The following EPHA3 variants were observed in gnomAD, a reference collection of about 807,000 sequenced individuals.
The protein encoded by EPHA3 is EPH receptor A3, also known as ephrin type-A receptor 3.
In EPHA3, 42 loss-of-function variants were observed where a neutral mutation model predicts 107.1. The observed-to-expected ratio is 0.39, with a 90% CI of 0.31 to 0.51. The LOEUF is 0.51. EPHA3 is among the 20% of genes least tolerant of loss of function. EPHA3 has a pLI of 0.78. For synonymous variants in EPHA3, 461 were observed against 424.8 expected (o/e 1.09, Z -1.05); for missense variants, 1,183 against 1,211.2 (o/e 0.98, Z 0.35).
Position 89,479,461 on chromosome 3 carries a change from G to A in EPHA3, c.2911G>A (p.Ala971Thr), listed in dbSNP as rs756422951. The A allele has an allele frequency of 1.2e-6, 2 of 1,614,172 alleles. No individual in the cohort carries two copies. Among genetic ancestry groups the A allele is most frequent in the Non-Finnish European group, 1.7e-6 (2 of 1,180,020 alleles). ...GAAGAAGATCATCAGTAGCATTAAA[G>A]CTCTAGAAACGCAATCAAAGAATGG... Reference protein sequence around the residue: ...PQKKIISSIKALETQSKNGPV... With the variant: ...PQKKIISSIKTLETQSKNGPV... The change falls in exon 17 of 17, where the codon GCT (alanine) becomes ACT (threonine). Residue 971 changes from alanine to threonine, a missense_variant. By Grantham distance (58) the Ala-to-Thr change is moderately conservative. Coordinates refer to ENST00000336596, the MANE Select transcript of EPHA3 (RefSeq NM_005233.6).
rs116593540 is a variant in EPHA3 at position 89,436,304 on chromosome 3, T to C, written c.2346+4945T>C. Among the ~76,000 whole-genome samples the C allele has an allele frequency of 9.7e-3, 1,476 of 152,306 alleles. 27 individuals carry two copies. The highest frequency in any genetic ancestry group is 0.034 in the African/African-American group (1,413 of 41,562). On this transcript the variant is annotated intron_variant, in intron 13 of 16. Transcript: ENST00000336596. Reference sequence around the variant, plus strand: ...TTGTTATTTCAGAAAAACAAGTTCATCATTCAAAACAATTTGCTGAGGCAT... The same window carrying C: ...TTGTTATTTCAGAAAAACAAGTTCACCATTCAAAACAATTTGCTGAGGCAT...
At position 89,244,532 on chromosome 3, in the gene EPHA3, T is replaced by A. The variant is rs139543637; in HGVS notation, c.814+34012T>A. 9.4e-3 allele frequency among the ~76,000 whole-genome samples: 1,426 copies of A among 152,272 alleles called. 25 individuals carry two copies. Among genetic ancestry groups the A allele is most frequent in the African/African-American group, 0.033 (1,364 of 41,570 alleles). The stretch of plus-strand genomic sequence containing the variant: ...GAAGCCAATGTATTTATATTATTTT[T>A]CTGTATTTCTGTAATTCATACCAAA... On this transcript the variant is annotated intron_variant, in intron 3 of 16. Transcript: ENST00000336596.
At chr3:89,384,586 T>C (rs1440044733) in intron 5 of EPHA3, among the ~76,000 whole-genome samples, 1 of 152,214 alleles carries the variant, frequency 6.6e-6, no homozygotes, top group Non-Finnish European at 1.5e-5. Context: ...TTAAGAATAT[T>C]GCCTTTTAAA....
chr3:89,170,896 A>T (rs1174777181), intron 2 of EPHA3, among the ~76,000 whole-genome samples: 1 of 151,936 alleles, frequency 6.6e-6, no homozygotes, highest in Admixed American at 6.6e-5. Context: ...CGTTAAATAG[A>T]AGATGTTTAC....
At chr3:89,381,325 G>A (rs1708502944) in intron 5 of EPHA3, among the ~76,000 whole-genome samples, 1 of 151,816 alleles carries the variant, frequency 6.6e-6, no homozygotes, top group African/African-American at 2.4e-5. Context: ...GTGCATCATA[G>A]ACGTCTTTCA....
intron 5 of EPHA3, among the ~76,000 whole-genome samples, chr3:89,354,113 G>A (rs1028573267): frequency 1.3e-5 from 2 of 151,266 alleles, no homozygotes; most frequent in Non-Finnish European, 3.0e-5. Flanking sequence ...TTAATTCACA[G>A]AAAGTTTTCT....
At chr3:89,165,615 T>C (rs1159471315) in intron 2 of EPHA3, among the ~76,000 whole-genome samples, 1 of 152,244 alleles carries the variant, frequency 6.6e-6, no homozygotes, top group African/African-American at 2.4e-5. Context: ...CTCTGCTTAA[T>C]TTTTAATGTT....
At chr3:89,265,086 T>C (rs1285012377) in intron 3 of EPHA3, among the ~76,000 whole-genome samples, 3 of 152,156 alleles carry the variant, frequency 2.0e-5, no homozygotes, top group Admixed American at 1.3e-4. Context: ...AATTAAAAAT[T>C]ATGTTCAGCA....
chr3:89,121,436 T>A (rs186995860), intron 1 of EPHA3, among the ~76,000 whole-genome samples: 1 of 151,990 alleles, frequency 6.6e-6, no homozygotes, highest in Non-Finnish European at 1.5e-5. Context: ...ATAATTTTTA[T>A]CTGTGAAATA....
At chr3:89,292,039 C>A (rs1706219211) in intron 3 of EPHA3, among the ~76,000 whole-genome samples, 1 of 151,972 alleles carries the variant, frequency 6.6e-6, no homozygotes, top group Non-Finnish European at 1.5e-5. Context: ...AATAGTAAGA[C>A]CAATTATTCT....
intron 2 of EPHA3, among the ~76,000 whole-genome samples, chr3:89,151,969 C>CT (rs759140681): frequency 1.3e-5 from 2 of 151,902 alleles, no homozygotes; most frequent in Non-Finnish European, 2.9e-5. Context: ...TGCAGAATAG[C>CT]TTTTTGTTTT....
Position 89,226,617 on chromosome 3 carries a change from G to A in EPHA3, c.814+16097G>A, listed in dbSNP as rs1318766414. Among the ~76,000 whole-genome samples the A allele has an allele frequency of 8.5e-5, 13 of 152,096 alleles. No homozygotes were observed. In the East Asian group the frequency reaches 1.9e-3, roughly 23 times the overall value. Reference sequence around the variant, plus strand: ...TTAGAACTTCAACTGATCCATGATTGGATAGGTTTTCAGAATTAAATAACT... The same window carrying A: ...TTAGAACTTCAACTGATCCATGATTAGATAGGTTTTCAGAATTAAATAACT... On this transcript the variant is annotated intron_variant, in intron 3 of 16. Coordinates refer to ENST00000336596, the MANE Select transcript of EPHA3 (RefSeq NM_005233.6).
intron 5 of EPHA3, among the ~76,000 whole-genome samples, chr3:89,383,576 G>A (rs1708551911): frequency 6.7e-6 from 1 of 149,876 alleles, no homozygotes; most frequent in Non-Finnish European, 1.5e-5. Context: ...CCTCAGCAGT[G>A]CTTTAAGACA....
intron 15 of EPHA3, among the ~76,000 whole-genome samples, chr3:89,455,973 C>T (rs544571404): frequency 6.6e-6 from 1 of 152,276 alleles, no homozygotes; most frequent in African/African-American, 2.4e-5. Context: ...GAGCACACAC[C>T]ATGCTTCTCT....
intron 2 of EPHA3, among the ~76,000 whole-genome samples, chr3:89,149,029 C>T (rs979685611): frequency 6.6e-6 from 1 of 151,912 alleles, no homozygotes; most frequent in African/African-American, 2.4e-5. Flanking sequence ...GAAGCCAGCG[C>T]ATACCAATCA....
At chr3:89,460,017 T>A (rs746071722) in intron 15 of EPHA3, among the ~76,000 whole-genome samples, 3 of 152,182 alleles carry the variant, frequency 2.0e-5, no homozygotes, top group Non-Finnish European at 4.4e-5. Flanking sequence ...ATAAATTTAT[T>A]CACTTATTTT....
At chr3:89,327,364 AAT>A (rs758871239) in intron 3 of EPHA3, among the ~76,000 whole-genome samples, 1 of 152,180 alleles carries the variant, frequency 6.6e-6, no homozygotes, top group Non-Finnish European at 1.5e-5. Flanking sequence ...TGACTGCTAG[AAT>A]ATGAGTTCAA....
chr3:89,310,659 T>C (rs1162353284), intron 3 of EPHA3, among the ~76,000 whole-genome samples: 1 of 151,836 alleles, frequency 6.6e-6, no homozygotes, highest in Non-Finnish European at 1.5e-5. Context: ...ATTTAATAGA[T>C]ACTCTATATA....
At chr3:89,150,936 C>A (rs1395920034) in intron 2 of EPHA3, among the ~76,000 whole-genome samples, 4 of 151,972 alleles carry the variant, frequency 2.6e-5, no homozygotes, top group Non-Finnish European at 5.9e-5. Flanking sequence ...TGGATCATGC[C>A]ACTGCACTCC....
Sources: gnomAD v4.1 joint callset for allele counts (sites outside exome capture counted in the v4.1 genomes callset) on GRCh38, gnomAD v4.1.1 for gene constraint, MANE v1.5 for transcripts, NCBI Gene and HGNC (gene_info 2026-07-23, HGNC 2026-07-21) for gene names.